The following PRKCA variants were observed in gnomAD, a reference collection of about 807,000 sequenced individuals.
The protein encoded by PRKCA is protein kinase C alpha.
PRKCA carries 27 observed loss-of-function variants against 87.0 expected under a neutral mutation model. That is an observed-to-expected ratio of 0.31 (90% CI 0.23 to 0.43). The LOEUF is 0.43. PRKCA is among the 20% of genes least tolerant of loss of function. The pLI is 1.00. For missense variants in PRKCA, 518 were observed against 852.3 expected, an observed-to-expected ratio of 0.61 and a Z score of 4.88; for synonymous variants, 329 against 311.1, an observed-to-expected ratio of 1.06 and a Z score of -0.61.
intron 2 of PRKCA, among the ~76,000 whole-genome samples, chr17:66,335,961 C>A (rs1446127594): frequency 6.6e-6 from 1 of 152,292 alleles, no homozygotes; most frequent in Non-Finnish European, 1.5e-5. Context: ...AAGCACACTT[C>A]CACCAGCAGT....
intron 2 of PRKCA, among the ~76,000 whole-genome samples, chr17:66,435,949 A>G (rs532604395): frequency 1.3e-5 from 2 of 152,262 alleles, no homozygotes; most frequent in Non-Finnish European, 2.9e-5. Context: ...GGAGAGGCCA[A>G]GTTACAGGAT....
intron 5 of PRKCA, among the ~76,000 whole-genome samples, chr17:66,676,044 C>T (rs931116518): frequency 2.0e-5 from 3 of 152,150 alleles, no homozygotes; most frequent in Non-Finnish European, 4.4e-5. Context: ...ATCTGTCACT[C>T]CACCAGTTTC....
intron 14 of PRKCA, among the ~76,000 whole-genome samples, chr17:66,777,011 T>C (rs1211990988): frequency 3.3e-5 from 5 of 152,238 alleles, no homozygotes; most frequent in African/African-American, 4.8e-5. Context: ...TGAAATCTTA[T>C]TGGGAAGCTG....
At chr17:66,421,088 T>C (rs1912464765) in intron 2 of PRKCA, among the ~76,000 whole-genome samples, 1 of 152,204 alleles carries the variant, frequency 6.6e-6, no homozygotes, top group African/African-American at 2.4e-5. Flanking sequence ...GAAAAACGCA[T>C]GTTGGATGGC....
At chr17:66,506,837 T>TC (rs1207854142) in intron 3 of PRKCA, among the ~76,000 whole-genome samples, 1 of 152,174 alleles carries the variant, frequency 6.6e-6, no homozygotes, top group Non-Finnish European at 1.5e-5. Context: ...GTTTATTTTT[T>TC]CTGACCGATC....
At chr17:66,306,026 T>A in intron 1 of PRKCA, 70 bp from the exon 2 acceptor site, 3 of 1,455,492 alleles carry the variant, frequency 2.1e-6, no homozygotes, top group Non-Finnish European at 2.9e-6. Context: ...CTTGGTCACA[T>A]AACTTGTTTA....
chr17:66,675,795 C>G (rs1972312929), intron 5 of PRKCA, among the ~76,000 whole-genome samples: 1 of 152,174 alleles, frequency 6.6e-6, no homozygotes, highest in Non-Finnish European at 1.5e-5. Flanking sequence ...CCTGAAACGG[C>G]CTTCTCTGCC....
At chr17:66,726,182 G>A (rs985076287) in intron 8 of PRKCA, among the ~76,000 whole-genome samples, 6 of 150,858 alleles carry the variant, frequency 4.0e-5, no homozygotes, top group South Asian at 2.1e-4. Context: ...TCAGGTGTTC[G>A]CAGGTGTGCA....
chr17:66,494,638 CTT>C (rs1167432436), intron 2 of PRKCA, among the ~76,000 whole-genome samples: 2 of 152,308 alleles, frequency 1.3e-5, no homozygotes, highest in Non-Finnish European at 2.9e-5. Flanking sequence ...GCAGTAAAGA[CTT>C]ATGACTAACC....
intron 13 of PRKCA, among the ~76,000 whole-genome samples, chr17:66,760,294 C>G (rs1162698537): frequency 1.3e-5 from 2 of 152,068 alleles, no homozygotes; most frequent in East Asian, 3.9e-4. Flanking sequence ...TTAAAGAACC[C>G]TTCTAAATAG....
chr17:66,317,074 G>C (rs547423275), intron 2 of PRKCA, among the ~76,000 whole-genome samples: 1 of 151,936 alleles, frequency 6.6e-6, no homozygotes, highest in Admixed American at 6.6e-5. Flanking sequence ...CCCGGAAAGC[G>C]GAGCTTGTAG....
chr17:66,727,979 T>C (rs1973797049), intron 8 of PRKCA, among the ~76,000 whole-genome samples: 1 of 152,208 alleles, frequency 6.6e-6, no homozygotes, highest in African/African-American at 2.4e-5. Flanking sequence ...CAGCATTGAT[T>C]AGACCCAGAC....
rs144326575 is a variant in PRKCA at position 66,630,967 on chromosome 17, T to C, written c.289-10388T>C. 4.8e-3 allele frequency among the ~76,000 whole-genome samples: 729 copies of C among 152,320 alleles called. 6 individuals are homozygous for C. The highest frequency in any genetic ancestry group is 0.016 in the African/African-American group (685 of 41,566). On this transcript the variant is annotated intron_variant, in intron 3 of 16. Transcript: ENST00000413366. ...ACACCCGGCCCTGTTGACTTCCAGA[T>C]TGGCCATGTGCCTTGCTTTGGCCAG...
intron 15 of PRKCA, 195 bp downstream of exon 15, chr17:66,787,169 T>C (rs552658371): frequency 5.2e-6 from 4 of 762,830 alleles, no homozygotes; most frequent in Non-Finnish European, 9.8e-6. Flanking sequence ...GGATTAGTCT[T>C]GGCCTGTTTT....
chr17:66,781,868 G>GAGAGATATATATATAT (rs1491546533), intron 14 of PRKCA, among the ~76,000 whole-genome samples: 54 of 99,322 alleles, frequency 5.4e-4, no homozygotes, highest in African/African-American at 2.0e-3. Flanking sequence ...GAGAGAGAGA[G>GAGAGATATATATATAT]ATATATATAT....
At chr17:66,499,386 A>G (rs887890794) in intron 3 of PRKCA, among the ~76,000 whole-genome samples, 1 of 152,196 alleles carries the variant, frequency 6.6e-6, no homozygotes, top group Admixed American at 6.5e-5. Flanking sequence ...CTGTGATCGT[A>G]TCTCTGTGTT....
At chr17:66,553,524 C>A (rs61762383) in intron 3 of PRKCA, among the ~76,000 whole-genome samples, 4 of 152,150 alleles carry the variant, frequency 2.6e-5, no homozygotes, top group African/African-American at 7.2e-5. Flanking sequence ...CTAGATTTCG[C>A]GACTTGCTTC....
chr17:66,573,149 A>C (rs1381308864), intron 3 of PRKCA, among the ~76,000 whole-genome samples: 1 of 152,216 alleles, frequency 6.6e-6, no homozygotes, highest in Non-Finnish European at 1.5e-5. Context: ...CTGGGAAATA[A>C]GAAAATTATA....
chr17:66,447,484 G>A (rs1352905304), intron 2 of PRKCA, among the ~76,000 whole-genome samples: 4 of 152,224 alleles, frequency 2.6e-5, no homozygotes, highest in African/African-American at 7.2e-5. Flanking sequence ...CATCGGTTCA[G>A]TAATTTGAAT....
Sources: allele counts gnomAD v4.1 joint callset (sites outside exome capture counted in the v4.1 genomes callset), GRCh38; gene constraint gnomAD v4.1.1; transcripts MANE v1.5; gene names NCBI Gene and HGNC (gene_info 2026-07-23, HGNC 2026-07-21).